SUGCT: variants seen among roughly 807,000 people sequenced by gnomAD.
SUGCT encodes the protein succinyl-CoA:glutarate CoA-transferase.
Under a neutral mutation model 55.0 loss-of-function variants are expected in SUGCT, and 41 were observed. The observed-to-expected ratio is 0.74, with a 90% CI of 0.58 to 0.97. SUGCT has a LOEUF of 0.97. Ranked by LOEUF, SUGCT falls within the 50% of genes least tolerant of loss-of-function variation. The pLI is 0.00. For synonymous variants in SUGCT, 187 were observed against 200.4 expected (o/e 0.93, Z 0.56); for missense variants, 568 against 547.8 (o/e 1.04, Z -0.37).
intron 12 of SUGCT, among the ~76,000 whole-genome samples, chr7:40,654,361 A>G (rs1397199240): frequency 1.3e-5 from 2 of 152,184 alleles, no homozygotes; most frequent in African/African-American, 2.4e-5. Context: ...TCTGCCATCC[A>G]ATCTGTCTAG....
chr7:40,761,896 A>G (rs370080753), intron 13 of SUGCT, among the ~76,000 whole-genome samples: 1 of 152,160 alleles, frequency 6.6e-6, no homozygotes, highest in Non-Finnish European at 1.5e-5. Flanking sequence ...CAAGGGTCCA[A>G]TGTTCCCGGG....
intron 12 of SUGCT, among the ~76,000 whole-genome samples, chr7:40,669,759 G>C (rs1476197428): frequency 2.6e-5 from 4 of 151,890 alleles, no homozygotes; most frequent in Non-Finnish European, 5.9e-5. Flanking sequence ...ATGGACGACA[G>C]ATAGAAAATA....
intron 12 of SUGCT, among the ~76,000 whole-genome samples, chr7:40,660,812 C>G (rs1240850328): frequency 2.6e-5 from 4 of 152,152 alleles, no homozygotes; most frequent in African/African-American, 9.7e-5. Flanking sequence ...AAGAACTCTC[C>G]CACTAATCTA....
At chr7:40,945,531 T>C in the SUGCT span, among the ~76,000 whole-genome samples, 1 of 151,982 alleles carries the variant, frequency 6.6e-6, no homozygotes, top group Non-Finnish European at 1.5e-5. Flanking sequence ...CAATGGTGGG[T>C]GAGAGGAAGA....
chr7:40,277,303 T>C (rs1030933031), intron 8 of SUGCT, among the ~76,000 whole-genome samples: 2 of 152,006 alleles, frequency 1.3e-5, no homozygotes, highest in African/African-American at 4.8e-5. Context: ...TGCCTCAGCC[T>C]CCCGAGTAAC....
chr7:40,948,291 A>C, the SUGCT span, among the ~76,000 whole-genome samples: 1 of 152,188 alleles, frequency 6.6e-6, no homozygotes, highest in Non-Finnish European at 1.5e-5. Flanking sequence ...ATCATGTTCC[A>C]AGGCAGTTGC....
At chr7:40,688,979 TA>T (rs1484303112) in intron 12 of SUGCT, among the ~76,000 whole-genome samples, 1 of 152,152 alleles carries the variant, frequency 6.6e-6, no homozygotes, top group African/African-American at 2.4e-5. Flanking sequence ...AAGGCTAACT[TA>T]AAGGACTGTG....
At chr7:40,806,524 T>G (rs2128753656) in intron 13 of SUGCT, among the ~76,000 whole-genome samples, 1 of 152,246 alleles carries the variant, frequency 6.6e-6, no homozygotes, top group South Asian at 2.1e-4. Context: ...ATTAGAGGAA[T>G]TATGGTGGTT....
At chr7:40,253,492 C>A (rs13247974) in intron 7 of SUGCT, among the ~76,000 whole-genome samples, 1 of 152,040 alleles carries the variant, frequency 6.6e-6, no homozygotes, top group African/African-American at 2.4e-5. Context: ...CTGTACTGTA[C>A]CCCCCAAATC....
chr7:40,681,605 G>T (rs927389848), intron 12 of SUGCT, among the ~76,000 whole-genome samples: 2 of 152,166 alleles, frequency 1.3e-5, no homozygotes, highest in Non-Finnish European at 2.9e-5. Flanking sequence ...TCAATGGCTT[G>T]CAGGTAAGGG....
chr7:40,382,181 A>G (rs1454687412), intron 9 of SUGCT, among the ~76,000 whole-genome samples: 1 of 152,104 alleles, frequency 6.6e-6, no homozygotes, highest in Non-Finnish European at 1.5e-5. Flanking sequence ...GCCTCTTTTA[A>G]GAGTTTTTAT....
chr7:40,291,424 A>G (rs1793754662), intron 8 of SUGCT, among the ~76,000 whole-genome samples: 1 of 145,132 alleles, frequency 6.9e-6, no homozygotes, highest in Non-Finnish European at 1.5e-5. Flanking sequence ...CAGACACCAC[A>G]TGTTCTCACT....
At chr7:40,566,003 A>G (rs1039135620) in intron 12 of SUGCT, among the ~76,000 whole-genome samples, 190 of 147,446 alleles carry the variant, frequency 1.3e-3, no homozygotes, top group African/African-American at 2.7e-3. Context: ...GCACACACAC[A>G]CACACACACA....
intron 13 of SUGCT, among the ~76,000 whole-genome samples, chr7:40,848,834 A>G (rs963181290): frequency 6.6e-6 from 1 of 152,170 alleles, no homozygotes; most frequent in Non-Finnish European, 1.5e-5. Flanking sequence ...TCACCATTCC[A>G]TGCTAGTTAA....
At chr7:40,978,387 A>G in the SUGCT span, among the ~76,000 whole-genome samples, 2 of 152,190 alleles carry the variant, frequency 1.3e-5, no homozygotes, top group Admixed American at 6.5e-5. Flanking sequence ...ACTCTTGCCA[A>G]TGGGACTTTC....
chr7:40,561,817 A>G (rs1795854109), intron 12 of SUGCT, among the ~76,000 whole-genome samples: 1 of 147,292 alleles, frequency 6.8e-6, no homozygotes, highest in Non-Finnish European at 1.5e-5. Flanking sequence ...TCAGCTTCCC[A>G]AGTAGCTGGG....
chr7:40,522,394 C>T (rs576804109), intron 12 of SUGCT, among the ~76,000 whole-genome samples: 1 of 152,234 alleles, frequency 6.6e-6, no homozygotes, highest in African/African-American at 2.4e-5. Flanking sequence ...TGTTTATCCC[C>T]AGCCATAGGG....
chr7:40,811,877 T>C (rs1791437175), intron 13 of SUGCT, among the ~76,000 whole-genome samples: 1 of 152,174 alleles, frequency 6.6e-6, no homozygotes, highest in African/African-American at 2.4e-5. Flanking sequence ...TTTTTGCTTG[T>C]TCAGTATGAG....
chr7:40,228,504 G>C (rs970680010), intron 6 of SUGCT, among the ~76,000 whole-genome samples: 1 of 151,920 alleles, frequency 6.6e-6, no homozygotes, highest in Non-Finnish European at 1.5e-5. Flanking sequence ...GTGTGTGTGT[G>C]TGTGTGTTTT....
Sources: gnomAD v4.1 joint callset for allele counts (sites outside exome capture counted in the v4.1 genomes callset) on GRCh38, gnomAD v4.1.1 for gene constraint, MANE v1.5 for transcripts, NCBI Gene and HGNC (gene_info 2026-07-23, HGNC 2026-07-21) for gene names.